Variants in TRIM71 observed in about 807,000 individuals in gnomAD.
TRIM71 encodes E3 ubiquitin-protein ligase TRIM71.
TRIM71 carries 9 observed loss-of-function variants against 61.2 expected under a neutral mutation model. The ratio of observed to expected loss-of-function variants is 0.15; its 90% CI spans 0.09 to 0.26. TRIM71 has a LOEUF of 0.26. Among genes scored for constraint, TRIM71 ranks in the 10% least tolerant of loss-of-function variants. TRIM71 has a pLI of 1.00. For synonymous variants in TRIM71, 645 were observed against 553.2 expected (o/e 1.17, Z -2.33); for missense variants, 998 against 1,238.7 (o/e 0.81, Z 2.92).
intron 1 of TRIM71, among the ~76,000 whole-genome samples, chr3:32,868,280 T>A (rs1320546841): frequency 6.6e-6 from 1 of 152,188 alleles, no homozygotes; most frequent in Admixed American, 6.5e-5. Context: ...TCGACCTGAC[T>A]AAAAAGAATT....
At chr3:32,877,560 G>T (rs2125690000) in intron 2 of TRIM71, among the ~76,000 whole-genome samples, 1 of 152,072 alleles carries the variant, frequency 6.6e-6, no homozygotes, top group African/African-American at 2.4e-5. Context: ...TCGCTTTGTT[G>T]TCTAGGCTGA....
intron 2 of TRIM71, among the ~76,000 whole-genome samples, chr3:32,878,779 C>T (rs1696876565): frequency 6.6e-6 from 1 of 152,220 alleles, no homozygotes; most frequent in Non-Finnish European, 1.5e-5. Flanking sequence ...TGGACAATGA[C>T]TGTTGGCTTC....
chr3:32,827,411 C>T (rs1016501460), intron 1 of TRIM71, among the ~76,000 whole-genome samples: 1 of 151,742 alleles, frequency 6.6e-6, no homozygotes, highest in Non-Finnish European at 1.5e-5. Context: ...CACAGGCATG[C>T]ACCACCATGC....
At chr3:32,857,828 G>A (rs560295990) in intron 1 of TRIM71, among the ~76,000 whole-genome samples, 5 of 152,196 alleles carry the variant, frequency 3.3e-5, no homozygotes, top group African/African-American at 9.6e-5. Flanking sequence ...AAAATTAGCC[G>A]GGTGTGGTAG....
In TRIM71 at chr3:32,891,654, G is replaced by A. The variant is rs1045177462; in HGVS notation, c.2450G>A (p.Arg817Gln). 9.9e-6 allele frequency: 16 copies of A among 1,613,490 alleles called. No individual in the cohort carries two copies. Among genetic ancestry groups the A allele is most frequent in the African/African-American group, 1.3e-5 (1 of 74,934 alleles). ...ATTGTGGCGGATTCCAGGAACCATC[G>A]GGTACAGATGTTTGAATCCAACGGC... ...RIIVADSRNHRVQMFESNGSF... is the reference protein window; with the variant it reads ...RIIVADSRNHQVQMFESNGSF... Residue 817 changes from arginine to glutamine, a missense_variant, in exon 4 of 4, where the codon CGG (arginine) becomes CAG (glutamine). Arg to Gln is a conservative substitution (Grantham distance 43, BLOSUM62 1). Transcript: ENST00000383763. The surrounding 1 kb of genome is among the most constrained non-coding windows in gnomAD (Gnocchi z 8.2).
chr3:32,830,832 ATGTT>A (rs1453443121), intron 1 of TRIM71, among the ~76,000 whole-genome samples: 4 of 151,776 alleles, frequency 2.6e-5, no homozygotes, highest in East Asian at 1.9e-4. Flanking sequence ...ATTTGTTTTG[ATGTT>A]TGTTTGTTTT....
At chr3:32,882,823 T>C (rs1696924277) in intron 2 of TRIM71, among the ~76,000 whole-genome samples, 1 of 152,304 alleles carries the variant, frequency 6.6e-6, no homozygotes, top group South Asian at 2.1e-4. Context: ...ATTACAGGTG[T>C]GAGCCACCGT....
intron 1 of TRIM71, among the ~76,000 whole-genome samples, chr3:32,822,938 TA>T (rs547221520): frequency 7.9e-5 from 12 of 152,204 alleles, no homozygotes; most frequent in Admixed American, 3.3e-4. Flanking sequence ...AACAAATTTT[TA>T]AAAAAAATTT....
chr3:32,889,735 A>C (rs1293814471), intron 3 of TRIM71, among the ~76,000 whole-genome samples: 1 of 152,012 alleles, frequency 6.6e-6, no homozygotes. Flanking sequence ...GATTACAGGC[A>C]CCTGTTACCA....
chr3:32,818,219 G>T lies in TRIM71; in HGVS notation c.139G>T (p.Gly47Trp), dbSNP rs1263629737. ...GTCCACGTCGTCGGGGGGCGGCGGC[G>T]GGGGCCCTGGGGCGGCGGCGCGCCG... ...QTSTSSGGGG[G>W]GPGAAARRLH... Residue 47 changes from glycine to tryptophan, a missense_variant, in exon 1 of 4, where the codon GGG becomes TGG. Physicochemically the swap from Gly to Trp is radical, Grantham distance 184. Coordinates refer to ENST00000383763, the MANE Select transcript of TRIM71 (RefSeq NM_001039111.3). The T allele has an allele frequency of 3.9e-6, 6 of 1,529,898 alleles. No homozygotes were observed. Among genetic ancestry groups the T allele is most frequent in the Non-Finnish European group, 5.2e-6 (6 of 1,147,292 alleles). 94.8% of individuals were successfully genotyped at this position (1,529,898 alleles called of 1,614,324 possible). A position where few individuals can be genotyped will look rare whatever the true frequency, so the allele number is the denominator to read the frequency against.
chr3:32,862,596 T>C (rs1696683458), intron 1 of TRIM71, among the ~76,000 whole-genome samples: 1 of 152,240 alleles, frequency 6.6e-6, no homozygotes, highest in East Asian at 1.9e-4. Context: ...GCACAACAGA[T>C]TAAAACCTTG....
rs571297686 is a variant in TRIM71, at chr3:32,892,648, G to T, written c.*837G>T. 2.6e-5 allele frequency: 4 copies of T among 152,170 alleles called. No homozygotes were observed. In the South Asian group the frequency reaches 8.3e-4, roughly 32 times the overall value. 9.4% of individuals were successfully genotyped at this position (152,170 alleles called of 1,614,324 possible). A position where few individuals can be genotyped will look rare whatever the true frequency, so the allele number is the denominator to read the frequency against. ...TGAAAATGACACACTGCCTCCCAAA[G>T]AACCTCTCCTTTTCACACTTTGGTT... On this transcript the variant is annotated 3_prime_UTR_variant, in exon 4 of 4. Transcript: ENST00000383763.
chr3:32,887,139 G>A (rs1218748761), intron 3 of TRIM71, among the ~76,000 whole-genome samples: 1 of 152,152 alleles, frequency 6.6e-6, no homozygotes, highest in Non-Finnish European at 1.5e-5. Flanking sequence ...GCTTTGTAGT[G>A]AACTCTGCCA....
At chr3:32,845,846 G>C (rs574250011) in intron 1 of TRIM71, among the ~76,000 whole-genome samples, 1 of 151,122 alleles carries the variant, frequency 6.6e-6, no homozygotes. Context: ...TCAGCCTCCC[G>C]AGTAGCTGGG....
chr3:32,880,371 C>A (rs911466419), intron 2 of TRIM71, among the ~76,000 whole-genome samples: 1 of 152,146 alleles, frequency 6.6e-6, no homozygotes, highest in Non-Finnish European at 1.5e-5. Context: ...ATTGTTGTAA[C>A]CATCTAATAA....
At chr3:32,826,792 C>G (rs1433674804) in intron 1 of TRIM71, among the ~76,000 whole-genome samples, 7 of 151,592 alleles carry the variant, frequency 4.6e-5, no homozygotes, top group Non-Finnish European at 1.0e-4. Flanking sequence ...GAGTCTTGCT[C>G]TGTCCTGTCC....
chr3:32,823,698 A>G (rs1167541325), intron 1 of TRIM71, among the ~76,000 whole-genome samples: 1 of 151,044 alleles, frequency 6.6e-6, no homozygotes, highest in Non-Finnish European at 1.5e-5. Context: ...GGTTGCAGTG[A>G]GCCGAGGGTG....
chr3:32,854,145 T>G lies in TRIM71; in HGVS notation c.853-19673T>G, dbSNP rs199962670. ...CTGGAATGACAGGCATGTGCCACCA[T>G]GCCTGGCTAATTTTTTAAATTTTTT... On this transcript the variant is annotated intron_variant, in intron 1 of 3. Coordinates refer to ENST00000383763, the MANE Select transcript of TRIM71 (RefSeq NM_001039111.3). Among the ~76,000 whole-genome samples the G allele has an allele frequency of 2.6e-5, 4 of 152,320 alleles. No individual in the cohort carries two copies. In the East Asian group the frequency reaches 7.7e-4, roughly 29 times the overall value.
chr3:32,826,269 C>T (rs997986191), intron 1 of TRIM71, among the ~76,000 whole-genome samples: 5 of 152,134 alleles, frequency 3.3e-5, no homozygotes, highest in Admixed American at 2.0e-4. Context: ...GACCAGCCTA[C>T]CAACATGGTG....
Sources: gnomAD v4.1 joint callset for allele counts (sites outside exome capture counted in the v4.1 genomes callset) on GRCh38, gnomAD v4.1.1 for gene constraint, Gnocchi (gnomAD v3.1) non-coding constraint, MANE v1.5 for transcripts, NCBI Gene and HGNC (gene_info 2026-07-23, HGNC 2026-07-21) for gene names.